NGEF: variants seen among roughly 807,000 people sequenced by gnomAD.
The protein encoded by NGEF is neuronal guanine nucleotide exchange factor.
A neutral mutation model predicts 80.9 loss-of-function variants in NGEF; 31 were observed. The ratio of observed to expected loss-of-function variants is 0.38; its 90% CI spans 0.29 to 0.52. The LOEUF is 0.52. Among genes scored for constraint, NGEF ranks in the 20% least tolerant of loss-of-function variants. NGEF has a pLI of 0.84. For missense variants in NGEF, 709 were observed against 926.2 expected, an observed-to-expected ratio of 0.77 and a Z score of 3.04; for synonymous variants, 371 against 370.2, an observed-to-expected ratio of 1.00 and a Z score of -0.03.
intron 14 of NGEF, 133 bp from the exon 15 acceptor site, chr2:232,879,812 G>T: frequency 1.3e-6 from 1 of 744,122 alleles, no homozygotes; most frequent in Admixed American, 2.8e-5. Context: ...AAAAGGCAGC[G>T]GCTCTGCACA....
At chr2:232,899,707 C>T (rs1305504132) in intron 5 of NGEF, among the ~76,000 whole-genome samples, 4 of 69,548 alleles carry the variant, frequency 5.8e-5, no homozygotes, top group South Asian at 3.6e-4. Context: ...CACTCACACA[C>T]GCTCTCAGTC....
At chr2:233,001,083 C>T (rs1248368514) in intron 1 of NGEF, among the ~76,000 whole-genome samples, 1 of 152,186 alleles carries the variant, frequency 6.6e-6, no homozygotes, top group Non-Finnish European at 1.5e-5. Context: ...AGTGCCACTT[C>T]CCCCCATCCC....
Position 232,995,986 on chromosome 2 carries a change from G to T in NGEF, c.-75+17082C>A, listed in dbSNP as rs117012575. On this transcript the variant is annotated intron_variant, in intron 1 of 14. Coordinates refer to ENST00000264051, the MANE Select transcript of NGEF (RefSeq NM_019850.3). Reference sequence around the variant, plus strand: ...AAGGGTGTGAGCGTAAAACTGAATGGGGGATAAGGTTAAGAAATTTGTATT... The same window carrying T: ...AAGGGTGTGAGCGTAAAACTGAATGTGGGATAAGGTTAAGAAATTTGTATT... 1.6e-4 allele frequency among the ~76,000 whole-genome samples: 24 copies of T among 151,844 alleles called. No homozygotes were observed. In the East Asian group the frequency reaches 4.6e-3, roughly 29 times the overall value.
intron 3 of NGEF, among the ~76,000 whole-genome samples, chr2:232,966,066 A>G (rs1431148988): frequency 6.6e-6 from 1 of 152,200 alleles, no homozygotes; most frequent in Non-Finnish European, 1.5e-5. Flanking sequence ...TTCGCTGGGT[A>G]TTAAAGAGAG....
At chr2:232,956,383 T>C (rs1693833926) in intron 3 of NGEF, among the ~76,000 whole-genome samples, 1 of 150,772 alleles carries the variant, frequency 6.6e-6, no homozygotes, top group African/African-American at 2.5e-5. Flanking sequence ...GAAAAAGATT[T>C]GGCTGCAATA....
intron 3 of NGEF, among the ~76,000 whole-genome samples, chr2:232,945,795 A>G (rs1018714264): frequency 1.3e-5 from 2 of 152,146 alleles, no homozygotes; most frequent in African/African-American, 4.8e-5. Context: ...ATTATGGCAC[A>G]GGTGGAGTCA....
At chr2:232,985,544 A>T (rs1694515772) in intron 1 of NGEF, among the ~76,000 whole-genome samples, 1 of 151,828 alleles carries the variant, frequency 6.6e-6, no homozygotes, top group Non-Finnish European at 1.5e-5. Flanking sequence ...CGAGGTCAGC[A>T]GATCGAGACC....
At chr2:232,972,744 C>CTTTTTTTTTT (rs61594239) in intron 2 of NGEF, among the ~76,000 whole-genome samples, 2 of 123,320 alleles carry the variant, frequency 1.6e-5, no homozygotes, top group African/African-American at 2.9e-5. Flanking sequence ...TGTCCTTATC[C>CTTTTTTTTTT]TTTTTTTTTT....
At chr2:232,993,777 G>C (rs1694721895) in intron 1 of NGEF, among the ~76,000 whole-genome samples, 1 of 152,160 alleles carries the variant, frequency 6.6e-6, no homozygotes. Context: ...CATGAAGGAG[G>C]CTTGAAGACA....
At chr2:232,994,705 G>C (rs756790164) in intron 1 of NGEF, among the ~76,000 whole-genome samples, 1 of 152,118 alleles carries the variant, frequency 6.6e-6, no homozygotes, top group Non-Finnish European at 1.5e-5. Flanking sequence ...GCCTCCTGTT[G>C]CTCCAATGTC....
intron 5 of NGEF, among the ~76,000 whole-genome samples, chr2:232,906,118 T>TGGG (rs1441671509): frequency 5.8e-4 from 39 of 67,262 alleles, no homozygotes; most frequent in Non-Finnish European, 8.9e-4. Context: ...GGGAGGGAGG[T>TGGG]GGGGGTCTCA....
chr2:232,992,468 G>A (rs903896545), intron 1 of NGEF, among the ~76,000 whole-genome samples: 13 of 152,068 alleles, frequency 8.5e-5, no homozygotes, highest in African/African-American at 3.1e-4. Context: ...TGAAGTGGGA[G>A]GATCACTCAA....
intron 3 of NGEF, among the ~76,000 whole-genome samples, chr2:232,968,372 G>A (rs1694110488): frequency 6.6e-6 from 1 of 151,362 alleles, no homozygotes; most frequent in Non-Finnish European, 1.5e-5. Flanking sequence ...ACAGGAGTGA[G>A]CCACTGCACC....
chr2:233,003,334 C>A (rs1695019495), intron 1 of NGEF, among the ~76,000 whole-genome samples: 1 of 152,212 alleles, frequency 6.6e-6, no homozygotes, highest in South Asian at 2.1e-4. Context: ...TGCTCTTTCC[C>A]TCTGATGTCG....
At position 232,979,899 on chromosome 2, in the gene NGEF, A is replaced by G. The variant is rs537352338; in HGVS notation, c.-74-4935T>C. On this transcript the variant is annotated intron_variant, in intron 1 of 14. Coordinates refer to ENST00000264051, the MANE Select transcript of NGEF (RefSeq NM_019850.3). The stretch of plus-strand genomic sequence containing the variant: ...AATAGATGAACGGATGAGTTACCTT[A>G]GCCAAGCCTCGCAACTTCCGCATGA... Among the ~76,000 whole-genome samples, 11 of 151,478 alleles carry G rather than the reference A, an allele frequency of 7.3e-5. No homozygotes were observed. In the East Asian group the frequency reaches 2.1e-3, roughly 29 times the overall value.
At chr2:233,000,750 ACT>A (rs1414657033) in intron 1 of NGEF, among the ~76,000 whole-genome samples, 1 of 136,114 alleles carries the variant, frequency 7.3e-6, no homozygotes, top group African/African-American at 2.9e-5. Context: ...ACAGAGCGAG[ACT>A]CTGTCTCAAA....
At chr2:232,884,600 G>C (rs79685742) in intron 10 of NGEF, among the ~76,000 whole-genome samples, 1 of 152,344 alleles carries the variant, frequency 6.6e-6, no homozygotes, top group African/African-American at 2.4e-5. Flanking sequence ...TGAGTTCACA[G>C]TAGAGAGGAA....
intron 3 of NGEF, among the ~76,000 whole-genome samples, chr2:232,934,337 A>T (rs984385765): frequency 6.6e-6 from 1 of 151,598 alleles, no homozygotes; most frequent in Non-Finnish European, 1.5e-5. Context: ...CCTGAATTTG[A>T]TGTAACACTA....
intron 5 of NGEF, among the ~76,000 whole-genome samples, chr2:232,910,214 A>G (rs1692662059): frequency 6.6e-6 from 1 of 151,328 alleles, no homozygotes; most frequent in African/African-American, 2.4e-5. Context: ...TTTGTGAAAG[A>G]CAATTCTTCC....
Sources: gnomAD v4.1 joint callset for allele counts (sites outside exome capture counted in the v4.1 genomes callset) on GRCh38, gnomAD v4.1.1 for gene constraint, MANE v1.5 for transcripts, NCBI Gene and HGNC (gene_info 2026-07-23, HGNC 2026-07-21) for gene names.